The following JUNB variants were observed in gnomAD, a reference collection of about 807,000 sequenced individuals.
JUNB encodes the protein transcription factor JunB.
A neutral mutation model predicts 16.4 loss-of-function variants in JUNB; 6 were observed. The observed-to-expected ratio is 0.37, with a 90% CI of 0.20 to 0.72. JUNB has a LOEUF of 0.72. JUNB is among the 30% of genes least tolerant of loss of function. The probability of loss-of-function intolerance (pLI) is 0.53; values close to 1 mark genes in which losing one functional copy is unlikely to be tolerated. For synonymous variants in JUNB, 226 were observed against 232.8 expected, an observed-to-expected ratio of 0.97 and a Z score of 0.27; for missense variants, 389 against 492.9, an observed-to-expected ratio of 0.79 and a Z score of 2.00.
rs1215954843 is a variant in JUNB at position 12,791,926 on chromosome 19, C to G, written c.155C>G (p.Ala52Gly). The G allele has an allele frequency of 6.2e-7, 1 of 1,612,892 alleles. No individual in the cohort carries two copies. The highest frequency in any genetic ancestry group is 8.5e-7 in the Non-Finnish European group (1 of 1,179,796). Residue 52 changes from alanine (A) to glycine (G), a missense_variant, in exon 1 of 1, where the codon GCG (alanine) becomes GGG (glycine). By Grantham distance (60) the Ala-to-Gly change is moderately conservative. Coordinates refer to ENST00000302754, the MANE Select transcript of JUNB (RefSeq NM_002229.3). The surrounding 1 kb of genome is among the most constrained non-coding windows in gnomAD (Gnocchi z 7.0). ...GCCGACCCCTACCGGAGTCTCAAAG[C>G]GCCTGGGGCTCGCGGACCCGGCCCA... ...NLADPYRSLKAPGARGPGPEG... is the reference protein window; with the variant it reads ...NLADPYRSLKGPGARGPGPEG...
chr19:12,792,446 C>A lies in JUNB; in HGVS notation c.675C>A (p.Gly225=). 6.2e-7 allele frequency: 1 copy of A among 1,601,120 alleles called. No homozygotes were observed. Among genetic ancestry groups the A allele is most frequent in the South Asian group, 1.1e-5 (1 of 90,304 alleles). Residue 225 remains glycine (G), a synonymous_variant, in exon 1 of 1, where the codon GGC becomes GGA. Transcript: ENST00000302754. ...YLPHAPPFAG[G]HPAQLGLGRG... Reference sequence around the variant, plus strand: ...CACACGCGCCGCCCTTCGCCGGTGGCCACCCGGCGCAGCTGGGCTTGGGCC... The same window carrying A: ...CACACGCGCCGCCCTTCGCCGGTGGACACCCGGCGCAGCTGGGCTTGGGCC...
Position 12,792,439 on chromosome 19 carries a change from C to T in JUNB, c.668C>T (p.Ala223Val), listed in dbSNP as rs775954192. Residue 223 changes from alanine to valine, a missense_variant, in exon 1 of 1, where the codon GCC becomes GTC. Physicochemically the swap from Ala to Val is moderately conservative, Grantham distance 64. Transcript: ENST00000302754. ...TACCTCCCACACGCGCCGCCCTTCGCCGGTGGCCACCCGGCGCAGCTGGGC... is the reference window on the plus strand; with the variant it reads ...TACCTCCCACACGCGCCGCCCTTCGTCGGTGGCCACCCGGCGCAGCTGGGC... The part of the protein sequence containing the change: ...ISYLPHAPPF[A>V]GGHPAQLGLG... The T allele has an allele frequency of 6.2e-7, 1 of 1,601,828 alleles. No individual in the cohort carries two copies. Among genetic ancestry groups the T allele is most frequent in the Admixed American group, 1.7e-5 (1 of 59,526 alleles).
Position 12,792,539 on chromosome 19 carries a change from G to A in JUNB, c.768G>A (p.Pro256=), listed in dbSNP as rs1386463042. 1.9e-6 allele frequency: 3 copies of A among 1,569,300 alleles called. No individual in the cohort carries two copies. Among genetic ancestry groups the A allele is most frequent in the African/African-American group, 2.7e-5 (2 of 74,060 alleles). ...VPEARSRDAT[P]PVSPINMEDQ... ...AGGCGCGCAGCCGGGACGCCACGCC[G>A]CCGGTGTCCCCCATCAACATGGAAG... The change falls in exon 1 of 1, where the codon CCG becomes CCA. Residue 256 remains proline (P), a synonymous_variant. Coordinates refer to ENST00000302754, the MANE Select transcript of JUNB (RefSeq NM_002229.3).
Position 12,791,675 on chromosome 19 carries a change from C to A in JUNB, c.-97C>A. 1.1e-6 allele frequency: 1 copy of A among 894,166 alleles called. No individual in the cohort carries two copies. The highest frequency in any genetic ancestry group is 1.6e-6 in the Non-Finnish European group (1 of 619,524). The allele number at this position is 894,166 out of a possible 1,614,324, so 55.4% of individuals were successfully genotyped here. On this transcript the variant is annotated 5_prime_UTR_variant, in exon 1 of 1. Coordinates refer to ENST00000302754, the MANE Select transcript of JUNB (RefSeq NM_002229.3). This position sits in a 1 kb window ranked among gnomAD's most constrained non-coding sequence, Gnocchi z 7.0. ...GCCCCCGAGAACGCGCGACCAGGCA[C>A]CCAGTCCGGTCACCGCAGCGGAGAG...
chr19:12,792,458 G>T lies in JUNB; in HGVS notation c.687G>T (p.Gln229His). The T allele has an allele frequency of 6.3e-7, 1 of 1,599,252 alleles. No individual in the cohort carries two copies. Reference sequence around the variant, plus strand: ...CCTTCGCCGGTGGCCACCCGGCGCAGCTGGGCTTGGGCCGCGGCGCCTCCA... The same window carrying T: ...CCTTCGCCGGTGGCCACCCGGCGCATCTGGGCTTGGGCCGCGGCGCCTCCA... ...APPFAGGHPA[Q>H]LGLGRGASTF... Residue 229 changes from glutamine to histidine, a missense_variant, in exon 1 of 1, where the codon CAG becomes CAT. This residue lies in a region of JUNB where 349 missense variants were observed against 389.8 expected (regional missense o/e 0.90). Coordinates refer to ENST00000302754, the MANE Select transcript of JUNB (RefSeq NM_002229.3).
chr19:12,792,094 A>G lies in JUNB; in HGVS notation c.323A>G (p.Gln108Arg). 1 of 1,602,166 alleles carries G rather than the reference A, an allele frequency of 6.2e-7. No individual in the cohort carries two copies. The highest frequency in any genetic ancestry group is 8.5e-7 in the Non-Finnish European group (1 of 1,175,290). Reference protein sequence around the residue: ...VITTTPTPPGQYFYPRGGGSG... With the variant: ...VITTTPTPPGRYFYPRGGGSG... ...ACGACGACGCCTACACCCCCGGGAC[A>G]GTACTTTTACCCCCGCGGGGGTGGC... The change falls in exon 1 of 1, where the codon CAG becomes CGG. Residue 108 changes from glutamine (Q) to arginine (R), a missense_variant. This residue lies in a region of JUNB where 349 missense variants were observed against 389.8 expected (regional missense o/e 0.90). Coordinates refer to ENST00000302754, the MANE Select transcript of JUNB (RefSeq NM_002229.3).
In JUNB at chr19:12,792,374, C is replaced by A; in HGVS notation, c.603C>A (p.Ala201=). The change falls in exon 1 of 1, where the codon GCC becomes GCA. Residue 201 remains alanine (A), a synonymous_variant. Coordinates refer to ENST00000302754, the MANE Select transcript of JUNB (RefSeq NM_002229.3). ...ASASSGGAGA[A]VGTGSSYPTT... is the part of the protein sequence containing the mutation. ...CGTCCTCGGGAGGCGCCGGGGCTGC[C>A]GTCGGGACCGGGAGCTCGTACCCGA... 1.3e-6 allele frequency: 2 copies of A among 1,568,966 alleles called. No homozygotes were observed. The highest frequency in any genetic ancestry group is 2.4e-5 in the East Asian group (1 of 42,480).
In JUNB at chr19:12,792,084, C is replaced by A. The variant is rs1464567544; in HGVS notation, c.313C>A (p.Pro105Thr). Residue 105 changes from proline (P) to threonine (T), a missense_variant, in exon 1 of 1, where the codon CCC becomes ACC. Physicochemically the swap from Pro to Thr is conservative, Grantham distance 38. This residue lies in a region of JUNB where 349 missense variants were observed against 389.8 expected (regional missense o/e 0.90). Coordinates refer to ENST00000302754, the MANE Select transcript of JUNB (RefSeq NM_002229.3). Reference protein sequence around the residue: ...SNGVITTTPTPPGQYFYPRGG... With the variant: ...SNGVITTTPTTPGQYFYPRGG... ...CGGCGTGATCACGACGACGCCTACA[C>A]CCCCGGGACAGTACTTTTACCCCCG... is the stretch of plus-strand genomic sequence containing the variant. The A allele has an allele frequency of 3.1e-6, 5 of 1,604,130 alleles. No homozygotes were observed. The highest frequency in any genetic ancestry group is 2.7e-5 in the African/African-American group (2 of 74,894).
rs1260969146 is a variant in JUNB at position 12,793,043 on chromosome 19, G to A, written c.*228G>A. The A allele has an allele frequency of 1.8e-6, 1 of 557,238 alleles. No individual in the cohort carries two copies. The highest frequency in any genetic ancestry group is 2.5e-5 in the South Asian group (1 of 40,354). The allele number at this position is 557,238 out of a possible 1,614,324, so 34.5% of individuals were successfully genotyped here. A position where few individuals can be genotyped will look rare whatever the true frequency, so the allele number is the denominator to read the frequency against. ...TTTTTTTTCTGCTGGAAACAGACTC[G>A]ATTCATATTGAATATAATATATTTG... On this transcript the variant is annotated 3_prime_UTR_variant, in exon 1 of 1. Coordinates refer to ENST00000302754, the MANE Select transcript of JUNB (RefSeq NM_002229.3). The surrounding 1 kb of genome is among the most constrained non-coding windows in gnomAD (Gnocchi z 6.1).
chr19:12,792,273 G>A lies in JUNB; in HGVS notation c.502G>A (p.Gly168Arg), dbSNP rs1968729290. ...GGGCGCTACCGGGGGGCCCCCGGCTGGGCCCGGGGGCGTCTACGCCGGCCC... is the reference window on the plus strand; with the variant it reads ...GGGCGCTACCGGGGGGCCCCCGGCTAGGCCCGGGGGCGTCTACGCCGGCCC... Reference protein sequence around the residue: ...SLGATGGPPAGPGGVYAGPEP... With the variant: ...SLGATGGPPARPGGVYAGPEP... The change falls in exon 1 of 1, where the codon GGG becomes AGG. Residue 168 changes from glycine to arginine, a missense_variant. Gly to Arg is a moderately radical substitution (Grantham distance 125). Around this residue, in one of 2 missense-constraint regions of JUNB, gnomAD observed 349 missense variants for 389.8 expected, o/e 0.90. Transcript: ENST00000302754. 2.0e-6 allele frequency: 3 copies of A among 1,488,416 alleles called. No individual in the cohort carries two copies. The highest frequency in any genetic ancestry group is 2.7e-6 in the Non-Finnish European group (3 of 1,118,062). 92.2% of individuals were successfully genotyped at this position (1,488,416 alleles called of 1,614,324 possible).
rs769777017 is a variant in JUNB at position 12,791,882 on chromosome 19, G to A, written c.111G>A (p.Pro37=). 1.2e-6 allele frequency: 2 copies of A among 1,613,426 alleles called. No individual in the cohort carries two copies. The highest frequency in any genetic ancestry group is 1.7e-6 in the Non-Finnish European group (2 of 1,179,892). Reference sequence around the variant, plus strand: ...TACACGACTACAAACTCCTGAAACCGAGCCTGGCGGTCAACCTGGCCGACC... The same window carrying A: ...TACACGACTACAAACTCCTGAAACCAAGCCTGGCGGTCAACCTGGCCGACC... ...LSLHDYKLLK[P]SLAVNLADPY... Residue 37 remains proline (P), a synonymous_variant, in exon 1 of 1, where the codon CCG becomes CCA. Transcript: ENST00000302754. This position sits in a 1 kb window ranked among gnomAD's most constrained non-coding sequence, Gnocchi z 7.0.
rs1371082310 is a variant in JUNB at position 12,791,635 on chromosome 19, T to C, written c.-137T>C. 3.3e-6 allele frequency: 2 copies of C among 598,120 alleles called. No homozygotes were observed. Among genetic ancestry groups the C allele is most frequent in the African/African-American group, 2.0e-5 (1 of 50,604 alleles). 37.1% of individuals were successfully genotyped at this position (598,120 alleles called of 1,614,324 possible). A position where few individuals can be genotyped will look rare whatever the true frequency, so the allele number is the denominator to read the frequency against. Reference sequence around the variant, plus strand: ...TTGCGCACAGCTGCCGGCTGGCTGCTACCCGCCCGCGCCAGCCCCCGAGAA... The same window carrying C: ...TTGCGCACAGCTGCCGGCTGGCTGCCACCCGCCCGCGCCAGCCCCCGAGAA... On this transcript the variant is annotated 5_prime_UTR_variant, in exon 1 of 1. Coordinates refer to ENST00000302754, the MANE Select transcript of JUNB (RefSeq NM_002229.3). The surrounding 1 kb of genome is among the most constrained non-coding windows in gnomAD (Gnocchi z 7.0).
chr19:12,791,752 A>G lies in JUNB; in HGVS notation c.-20A>G. The G allele has an allele frequency of 6.3e-7, 1 of 1,577,782 alleles. No homozygotes were observed. The highest frequency in any genetic ancestry group is 2.3e-5 in the East Asian group (1 of 44,288). ...GAGCGGCCCCGCAGGGACCCTCCCC[A>G]GACCGCCTGGGCCGCCCGGATGTGC... is the stretch of plus-strand genomic sequence containing the variant. On this transcript the variant is annotated 5_prime_UTR_variant, in exon 1 of 1. Coordinates refer to ENST00000302754, the MANE Select transcript of JUNB (RefSeq NM_002229.3). The surrounding 1 kb of genome is among the most constrained non-coding windows in gnomAD (Gnocchi z 7.0).
At position 12,793,050 on chromosome 19, in the gene JUNB, A is replaced by G; in HGVS notation, c.*235A>G. On this transcript the variant is annotated 3_prime_UTR_variant, in exon 1 of 1. Coordinates refer to ENST00000302754, the MANE Select transcript of JUNB (RefSeq NM_002229.3). The surrounding 1 kb of genome is among the most constrained non-coding windows in gnomAD (Gnocchi z 6.1). ...TCTGCTGGAAACAGACTCGATTCATATTGAATATAATATATTTGTGTATTT... is the reference window on the plus strand; with the variant it reads ...TCTGCTGGAAACAGACTCGATTCATGTTGAATATAATATATTTGTGTATTT... 1 of 535,444 alleles carries G rather than the reference A, an allele frequency of 1.9e-6. No homozygotes were observed. Among genetic ancestry groups the G allele is most frequent in the Non-Finnish European group, 3.4e-6 (1 of 290,032 alleles). 33.2% of individuals were successfully genotyped at this position (535,444 alleles called of 1,614,324 possible).
chr19:12,792,827 C>A lies in JUNB; in HGVS notation c.*12C>A. The A allele has an allele frequency of 6.3e-7, 1 of 1,587,898 alleles. No individual in the cohort carries two copies. Among genetic ancestry groups the A allele is most frequent in the Non-Finnish European group, 8.6e-7 (1 of 1,160,662 alleles). On this transcript the variant is annotated 3_prime_UTR_variant, in exon 1 of 1. Coordinates refer to ENST00000302754, the MANE Select transcript of JUNB (RefSeq NM_002229.3). Reference sequence around the variant, plus strand: ...GACACGCCTTCTGAACGTCCCCTGCCCCTTTACGGACACCCCCTCGCTTGG... The same window carrying A: ...GACACGCCTTCTGAACGTCCCCTGCACCTTTACGGACACCCCCTCGCTTGG...
chr19:12,792,998 C>T lies in JUNB; in HGVS notation c.*183C>T, dbSNP rs1367543373. 8 of 606,992 alleles carry T rather than the reference C, an allele frequency of 1.3e-5. No individual in the cohort carries two copies. In the East Asian group the frequency reaches 1.4e-4, roughly 11 times the overall value. The allele number at this position is 606,992 out of a possible 1,614,324, so 37.6% of individuals were successfully genotyped here. On this transcript the variant is annotated 3_prime_UTR_variant, in exon 1 of 1. Coordinates refer to ENST00000302754, the MANE Select transcript of JUNB (RefSeq NM_002229.3). ...CCACCTCGACGTTTACAAGCCCCCCCTTCCACTTTTTTTTGTATGTTTTTT... is the reference window on the plus strand; with the variant it reads ...CCACCTCGACGTTTACAAGCCCCCCTTTCCACTTTTTTTTGTATGTTTTTT...
In JUNB at chr19:12,793,084, G is replaced by A. The variant is rs1599523866; in HGVS notation, c.*269G>A. ...AATATATTTGTGTATTTAACAGGGA[G>A]GGGAAGAGGGGGCGATCGCGGCGGA... On this transcript the variant is annotated 3_prime_UTR_variant, in exon 1 of 1. Coordinates refer to ENST00000302754, the MANE Select transcript of JUNB (RefSeq NM_002229.3). This position sits in a 1 kb window ranked among gnomAD's most constrained non-coding sequence, Gnocchi z 6.1. The A allele has an allele frequency of 1.1e-5, 4 of 364,526 alleles. No individual in the cohort carries two copies. Among genetic ancestry groups the A allele is most frequent in the African/African-American group, 6.2e-5 (3 of 48,468 alleles). The allele number at this position is 364,526 out of a possible 1,614,324, so 22.6% of individuals were successfully genotyped here. A position where few individuals can be genotyped will look rare whatever the true frequency, so the allele number is the denominator to read the frequency against.
At position 12,791,960 on chromosome 19, in the gene JUNB, C is replaced by T; in HGVS notation, c.189C>T (p.Gly63=). 6.2e-7 allele frequency: 1 copy of T among 1,610,994 alleles called. No individual in the cohort carries two copies. The highest frequency in any genetic ancestry group is 2.2e-5 in the East Asian group (1 of 44,796). ...PGARGPGPEG[G]GGGSYFSGQG... ...CTCGCGGACCCGGCCCAGAGGGCGG[C>T]GGTGGCGGCAGCTACTTTTCTGGTC... The change falls in exon 1 of 1, where the codon GGC becomes GGT. Residue 63 remains glycine, a synonymous_variant. Transcript: ENST00000302754. This position sits in a 1 kb window ranked among gnomAD's most constrained non-coding sequence, Gnocchi z 7.0.
rs1352668317 is a variant in JUNB, at chr19:12,791,792, G to A, written c.21G>A (p.Gln7=). The change falls in exon 1 of 1, where the codon CAG becomes CAA. Residue 7 remains glutamine (Q), a synonymous_variant. Coordinates refer to ENST00000302754, the MANE Select transcript of JUNB (RefSeq NM_002229.3). The surrounding 1 kb of genome is among the most constrained non-coding windows in gnomAD (Gnocchi z 7.0). The stretch of plus-strand genomic sequence containing the variant: ...CCCGGATGTGCACTAAAATGGAACA[G>A]CCCTTCTACCACGACGACTCATACA... The part of the protein sequence containing the change: MCTKME[Q]PFYHDDSYTA... 6.2e-7 allele frequency: 1 copy of A among 1,611,842 alleles called. No homozygotes were observed. The highest frequency in any genetic ancestry group is 1.1e-5 in the South Asian group (1 of 91,012).
Sources: allele counts gnomAD v4.1 joint callset, GRCh38; gene constraint gnomAD v4.1.1; regional missense constraint gnomAD v4.1.1; non-coding constraint Gnocchi (gnomAD v3.1); transcripts MANE v1.5; gene names NCBI Gene and HGNC (gene_info 2026-07-23, HGNC 2026-07-21).